The following NLRC5 variants were observed in gnomAD, a reference collection of about 807,000 sequenced individuals.
The protein encoded by NLRC5 is protein NLRC5.
In NLRC5, 114 loss-of-function variants were observed where a neutral mutation model predicts 206.9. That is an observed-to-expected ratio of 0.55 (90% confidence interval 0.47 to 0.64). The LOEUF is 0.64. Among genes scored for constraint, NLRC5 ranks in the 30% least tolerant of loss-of-function variants. NLRC5 has a pLI of 0.00. For missense variants in NLRC5, 2,008 were observed against 2,305.5 expected (o/e 0.87, Z 2.64); for synonymous variants, 952 against 962.8 (o/e 0.99, Z 0.21).
chr16:57,065,465 T>A (rs1207144347), intron 33 of NLRC5, among the ~76,000 whole-genome samples, 167 bp downstream of exon 33: 5 of 152,192 alleles, frequency 3.3e-5, no homozygotes, highest in African/African-American at 1.2e-4. Flanking sequence ...GCTACACATT[T>A]GTTGGGACTA....
At position 57,040,645 on chromosome 16, in the gene NLRC5, T is replaced by C; in HGVS notation, c.2871-5T>C. ...CTCAGCCTGGCCTTGGTGATGTCCC[T>C]CCAGGGCTGCATTTCTTGACAGCCT... On this transcript the variant is annotated splice_polypyrimidine_tract_variant and splice_region_variant and intron_variant, in intron 16 of 48. Coordinates refer to ENST00000688547, the MANE Select transcript of NLRC5 (RefSeq NM_001384950.1). 3 of 1,614,020 alleles carry C rather than the reference T, an allele frequency of 1.9e-6. No homozygotes were observed. Among genetic ancestry groups the C allele is most frequent in the African/African-American group, 1.3e-5 (1 of 75,032 alleles).
chr16:57,056,681 T>C (rs927174318), intron 27 of NLRC5, among the ~76,000 whole-genome samples: 3 of 151,900 alleles, frequency 2.0e-5, no homozygotes, highest in Non-Finnish European at 2.9e-5. Context: ...TTTTTTTAGA[T>C]GGAGTCTTTC....
intron 6 of NLRC5, among the ~76,000 whole-genome samples, chr16:57,027,347 G>A (rs531707955): frequency 2.0e-5 from 3 of 152,286 alleles, no homozygotes; most frequent in South Asian, 2.1e-4. Context: ...GAGTTTCTTC[G>A]TTCCTAAAAC....
intron 1 of NLRC5, among the ~76,000 whole-genome samples, chr16:56,995,525 A>G (rs2057493144): frequency 6.6e-6 from 1 of 152,158 alleles, no homozygotes; most frequent in East Asian, 1.9e-4. Flanking sequence ...TTCTCTCCTA[A>G]AAGATTGTGC....
At chr16:57,070,445 G>C (rs2144880771) in intron 37 of NLRC5, 90 bp from the exon 38 acceptor site, 1 of 1,157,776 alleles carries the variant, frequency 8.6e-7, no homozygotes, top group Non-Finnish European at 1.3e-6. Context: ...CCTCCCAGGG[G>C]ACAGAGCAGG....
chr16:57,016,909 C>A (rs538022781), intron 1 of NLRC5, among the ~76,000 whole-genome samples, 165 bp from the exon 2 acceptor site: 152 of 152,216 alleles, frequency 1.0e-3, no homozygotes, highest in Middle Eastern at 3.4e-3. Context: ...GAGCTGCAGT[C>A]GGGGAAGAAC....
chr16:57,066,250 A>G (rs1019296392), intron 33 of NLRC5, among the ~76,000 whole-genome samples: 6 of 152,016 alleles, frequency 3.9e-5, no homozygotes, highest in Non-Finnish European at 7.4e-5. Context: ...GCAGTGAGCT[A>G]TGATCGTGCC....
At chr16:57,015,296 G>C (rs112617510) in intron 1 of NLRC5, among the ~76,000 whole-genome samples, 1,646 of 152,198 alleles carry the variant, frequency 0.011, 34 homozygotes, top group African/African-American at 0.038. Context: ...TAATCACTTC[G>C]CAAAGGTCCC....
rs561331345 is a variant in NLRC5 at position 57,061,546 on chromosome 16, C to G, written c.4070+15C>G. On this transcript the variant is annotated intron_variant, in intron 31 of 48. Coordinates refer to ENST00000688547, the MANE Select transcript of NLRC5 (RefSeq NM_001384950.1). ...ACGGAGCTCACGTGAGTGACCCACC[C>G]AGCCCGTGAGGACAGCAGAGGGGTG... 1 of 1,609,408 alleles carries G rather than the reference C, an allele frequency of 6.2e-7. No individual in the cohort carries two copies. Among genetic ancestry groups the G allele is most frequent in the South Asian group, 1.1e-5 (1 of 91,084 alleles).
intron 43 of NLRC5, among the ~76,000 whole-genome samples, chr16:57,078,268 C>G (rs1436273969): frequency 1.3e-5 from 2 of 152,230 alleles, no homozygotes; most frequent in South Asian, 4.1e-4. Flanking sequence ...CCTTCTCAGC[C>G]TCAGTTTCTT....
chr16:57,052,903 C>T (rs1383822409), intron 24 of NLRC5: 1 of 152,346 alleles, frequency 6.6e-6, no homozygotes, highest in Non-Finnish European at 1.5e-5. Flanking sequence ...GCCTAAATCA[C>T]ACAGCTTCAC....
chr16:57,077,608 G>C (rs975576837), intron 41 of NLRC5, 111 bp from the exon 42 acceptor site: 2 of 1,109,190 alleles, frequency 1.8e-6, no homozygotes, highest in African/African-American at 3.1e-5. Flanking sequence ...GTGTGGTGTC[G>C]GGGGGTTGTC....
At chr16:57,037,060 G>A (rs1794534316) in intron 14 of NLRC5, 135 bp from the exon 15 acceptor site, 2 of 741,822 alleles carry the variant, frequency 2.7e-6, no homozygotes. Context: ...AATCCTTTGA[G>A]ATCCCCTGGC....
intron 3 of NLRC5, among the ~76,000 whole-genome samples, 184 bp from the exon 4 acceptor site, chr16:57,022,072 C>G (rs1429099569): frequency 6.6e-6 from 1 of 152,200 alleles, no homozygotes; most frequent in Non-Finnish European, 1.5e-5. Flanking sequence ...ACATTTCTGC[C>G]CAGCACTGCC....
intron 1 of NLRC5, among the ~76,000 whole-genome samples, chr16:56,998,194 CT>C (rs201515449): frequency 0.14 from 19,308 of 137,574 alleles, 1,276 homozygotes; most frequent in Non-Finnish European, 0.18. Flanking sequence ...TCACTGATGT[CT>C]TTTTTTTTTT....
intron 23 of NLRC5, among the ~76,000 whole-genome samples, chr16:57,051,185 T>G (rs1298062960): frequency 6.6e-6 from 1 of 152,202 alleles, no homozygotes; most frequent in Non-Finnish European, 1.5e-5. Context: ...AAACATGTTT[T>G]GCGGAACACT....
chr16:57,058,237 C>A, intron 28 of NLRC5, 89 bp downstream of exon 28: 2 of 1,066,000 alleles, frequency 1.9e-6, no homozygotes, highest in Non-Finnish European at 2.8e-6. Context: ...TGAGGGCATC[C>A]CCCAGAGCAC....
Position 57,034,104 on chromosome 16 carries a change from CT to C in NLRC5, c.2544-63del, listed in dbSNP as rs1597274450. 2.5e-5 allele frequency: 35 copies of C among 1,387,380 alleles called. No homozygotes were observed. The East Asian group carries it at 8.0e-4, about 32-fold the overall frequency. 85.9% of individuals were successfully genotyped at this position (1,387,380 alleles called of 1,614,324 possible). Reference sequence around the variant, plus strand: ...CCCCTGACTCCCCCAGCATTGGAAGCTGGAGGGGCCATGGAGTAGGGGCTGT... The same window carrying C: ...CCCCTGACTCCCCCAGCATTGGAAGCGGAGGGGCCATGGAGTAGGGGCTGT... On this transcript the variant is annotated intron_variant, in intron 12 of 48. Coordinates refer to ENST00000688547, the MANE Select transcript of NLRC5 (RefSeq NM_001384950.1).
chr16:57,021,784 A>G (rs1254949398), intron 3 of NLRC5, among the ~76,000 whole-genome samples: 1 of 152,236 alleles, frequency 6.6e-6, no homozygotes, highest in Non-Finnish European at 1.5e-5. Flanking sequence ...CTGTTTGCAC[A>G]GCACTGAGGG....
Sources: allele counts gnomAD v4.1 joint callset (sites outside exome capture counted in the v4.1 genomes callset), GRCh38; gene constraint gnomAD v4.1.1; transcripts MANE v1.5; gene names NCBI Gene and HGNC (gene_info 2026-07-23, HGNC 2026-07-21).